SGSM3: variants seen among roughly 807,000 people sequenced by gnomAD.
SGSM3 encodes the protein small G protein signaling modulator 3, also known as RUN and SH3 containing 3.
In SGSM3, 96 loss-of-function variants were observed where a neutral mutation model predicts 100.5. The observed-to-expected ratio is 0.96, with a 90% confidence interval of 0.81 to 1.13. SGSM3 has a LOEUF of 1.13. SGSM3 is among the 50% of genes most tolerant of loss of function. The pLI, the probability that SGSM3 is intolerant of heterozygous loss-of-function variation, is 0.00. For missense variants in SGSM3, 1,001 were observed against 1,015.8 expected (o/e 0.99, Z 0.20); for synonymous variants, 483 against 422.8 (o/e 1.14, Z -1.75).
rs1411393823 is a variant in SGSM3, at chr22:40,408,385, TCCCTGCTTGGGGGCGCCTGCCAC to T, written c.1744_1766del (p.Leu582AlafsTer26). ...GTTCGAACATGGACTGAAGAAGCCA[TCCCTGCTTGGGGGCGCCTGCCAC>T]CCCTGGCTGTTTATCGAGGAGGTAA... On this transcript the variant is annotated frameshift_variant, in exon 16 of 22. Transcript: ENST00000248929. LOFTEE classifies it high-confidence loss of function. 8 of 1,613,350 alleles carry T rather than the reference TCCCTGCTTGGGGGCGCCTGCCAC, an allele frequency of 5.0e-6. No individual in the cohort carries two copies. Among genetic ancestry groups the T allele is most frequent in the Non-Finnish European group, 6.8e-6 (8 of 1,179,996 alleles).
Position 40,396,756 on chromosome 22 carries a change from T to TG in SGSM3, c.-111-3934dup, listed in dbSNP as rs538973792. Among the ~76,000 whole-genome samples the TG allele has an allele frequency of 1.1e-4, 17 of 152,192 alleles. No homozygotes were observed. The South Asian group carries it at 3.3e-3, about 30-fold the overall frequency. ...GACAGGACAGGAGGACCAGAGTGAA[T>TG]GGGGGGCCATATCCCTCTGATCTAT... On this transcript the variant is annotated intron_variant, in intron 1 of 21. Coordinates refer to ENST00000248929, the MANE Select transcript of SGSM3 (RefSeq NM_015705.6).
Position 40,407,442 on chromosome 22 carries a change from C to T in SGSM3, c.1398C>T (p.Ser466=). 1 of 1,612,696 alleles carries T rather than the reference C, an allele frequency of 6.2e-7. No individual in the cohort carries two copies. ...VELTPDYSME[S]HQRDHENYVA... ...TGACTCCAGACTATAGCATGGAGAG[C>T]CACCAGCGGGACCACGAGAACTACG... Residue 466 remains serine, a synonymous_variant, in exon 13 of 22, where the codon AGC becomes AGT. Transcript: ENST00000248929. This position sits in a 1 kb window ranked among gnomAD's most constrained non-coding sequence, Gnocchi z 4.7.
chr22:40,409,049 C>T (rs1304258140), intron 19 of SGSM3, 31 bp downstream of exon 19: 2 of 1,554,556 alleles, frequency 1.3e-6, no homozygotes, highest in African/African-American at 2.7e-5. Context: ...GGAGGAGAGC[C>T]CTGGAGTGGG....
chr22:40,397,968 CTTTTTT>C (rs1157147821), intron 1 of SGSM3, among the ~76,000 whole-genome samples: 1 of 116,436 alleles, frequency 8.6e-6, no homozygotes, highest in African/African-American at 3.6e-5. Context: ...CCAATTCTGT[CTTTTTT>C]TTTTTTTTTT....
chr22:40,378,793 C>G (rs2047078509), intron 1 of SGSM3, among the ~76,000 whole-genome samples: 1 of 152,002 alleles, frequency 6.6e-6, no homozygotes, highest in Admixed American at 6.6e-5. Context: ...CTGTAAAGTT[C>G]TCTCCAATTC....
intron 8 of SGSM3, 72 bp downstream of exon 8, chr22:40,405,916 A>G (rs1184002107): frequency 1.8e-5 from 27 of 1,504,526 alleles, no homozygotes; most frequent in Non-Finnish European, 2.4e-5. Context: ...GAGTGGGGAT[A>G]GGGCACAGCC....
At chr22:40,381,466 T>G (rs1165984527) in intron 1 of SGSM3, among the ~76,000 whole-genome samples, 1 of 152,184 alleles carries the variant, frequency 6.6e-6, no homozygotes, top group African/African-American at 2.4e-5. Flanking sequence ...ATTTTAACGA[T>G]GCAAGATAGT....
At chr22:40,393,689 G>C (rs2049667499) in intron 1 of SGSM3, among the ~76,000 whole-genome samples, 1 of 152,204 alleles carries the variant, frequency 6.6e-6, no homozygotes, top group South Asian at 2.1e-4. Flanking sequence ...TTAAAGAACA[G>C]AAGTTTATTT....
rs745495016 is a variant in SGSM3, at chr22:40,406,466, C to T, written c.989C>T (p.Ser330Leu). 5 of 1,595,068 alleles carry T rather than the reference C, an allele frequency of 3.1e-6. No homozygotes were observed. The highest frequency in any genetic ancestry group is 4.3e-6 in the Non-Finnish European group (5 of 1,168,460). ...GAAGAGCTGATCCAGTCAGAGAACT[C>T]GGCCTCCATCTTCAACACGCTATCG... ...KEEELIQSEN[S>L]ASIFNTLSDI... is the part of the protein sequence containing the mutation. Residue 330 changes from serine (S) to leucine (L), a missense_variant, in exon 10 of 22, where the codon TCG (serine) becomes TTG (leucine). By Grantham distance (145) the Ser-to-Leu change is moderately radical. Transcript: ENST00000248929.
chr22:40,405,234 G>T lies in SGSM3; in HGVS notation c.568G>T (p.Ala190Ser). The T allele has an allele frequency of 6.4e-7, 1 of 1,571,852 alleles. No homozygotes were observed. The highest frequency in any genetic ancestry group is 8.6e-7 in the Non-Finnish European group (1 of 1,158,562). The change falls in exon 7 of 22, where the codon GCC becomes TCC. Residue 190 changes from alanine (A) to serine (S), a missense_variant. Transcript: ENST00000248929. ...GVPRLRRVLR[A>S]LAWLYPEIGY... The stretch of plus-strand genomic sequence containing the variant: ...GCCCCGCCTGCGCAGGGTGCTCCGG[G>T]CCCTGGCCTGGCTCTACCCAGAGAT...
rs1387893668 is a variant in SGSM3, at chr22:40,405,122, G to A, written c.475-19G>A. On this transcript the variant is annotated intron_variant, in intron 6 of 21. Transcript: ENST00000248929. Reference sequence around the variant, plus strand: ...GTCACAAGGTCTTGTTATTGTGGGTGCCGATGGCTGCCTGACAGATCGAGA... The same window carrying A: ...GTCACAAGGTCTTGTTATTGTGGGTACCGATGGCTGCCTGACAGATCGAGA... 1 of 1,486,168 alleles carries A rather than the reference G, an allele frequency of 6.7e-7. No homozygotes were observed. The allele number at this position is 1,486,168 out of a possible 1,614,324, so 92.1% of individuals were successfully genotyped here.
At chr22:40,401,983 C>T (rs762403066) in intron 3 of SGSM3, among the ~76,000 whole-genome samples, 156 bp from the exon 4 acceptor site, 18 of 152,142 alleles carry the variant, frequency 1.2e-4, no homozygotes, top group Non-Finnish European at 2.4e-4. Flanking sequence ...GAGAAGGTTG[C>T]GTGGTAACCA....
chr22:40,387,493 A>G, intron 1 of SGSM3: 1 of 313,700 alleles, frequency 3.2e-6, no homozygotes, highest in Non-Finnish European at 5.8e-6. Context: ...TAGGTGCCCT[A>G]ATCTCCTATG....
In SGSM3 at chr22:40,378,250, C is replaced by G. The variant is rs560157406; in HGVS notation, c.-112+7562C>G. The G allele has an allele frequency of 3.3e-5, 5 of 152,080 alleles. No homozygotes were observed. In the East Asian group the frequency reaches 9.8e-4, roughly 30 times the overall value. The allele number at this position is 152,080 out of a possible 1,614,324, so 9.4% of individuals were successfully genotyped here. A position where few individuals can be genotyped will look rare whatever the true frequency, so the allele number is the denominator to read the frequency against. The stretch of plus-strand genomic sequence containing the variant: ...TTTGAGACTACCCTGGGCAACATAG[C>G]AAGACCAGCATCTCTACAAAAAAAT... On this transcript the variant is annotated intron_variant, in intron 1 of 21. Transcript: ENST00000248929.
intron 1 of SGSM3, among the ~76,000 whole-genome samples, chr22:40,395,891 C>T (rs930186293): frequency 4.3e-4 from 66 of 152,156 alleles, no homozygotes; most frequent in African/African-American, 1.5e-3. Context: ...TTCCTCTGCA[C>T]GCCACACTTG....
At chr22:40,398,694 T>A (rs1460938671) in intron 1 of SGSM3, among the ~76,000 whole-genome samples, 1 of 141,194 alleles carries the variant, frequency 7.1e-6, no homozygotes, top group East Asian at 2.1e-4. Context: ...GTTTTTAGTA[T>A]ACCTCAATGA....
chr22:40,377,641 G>A (rs376968669), intron 1 of SGSM3, among the ~76,000 whole-genome samples: 11 of 151,976 alleles, frequency 7.2e-5, no homozygotes, highest in African/African-American at 1.9e-4. Flanking sequence ...TTTGAGACCC[G>A]CCTGGGCAAC....
rs1455169629 is a variant in SGSM3, at chr22:40,408,297, C to G, written c.1650C>G (p.Asp550Glu). The G allele has an allele frequency of 6.2e-7, 1 of 1,613,628 alleles. No homozygotes were observed. The part of the protein sequence containing the change: ...RSKEYSIAGD[D>E]SVTEGVTDLV... ...ATCAGTACTCCATCGCGGGGGATGA[C>G]TCGGTGACGGAGGGGGTCACAGACC... The change falls in exon 16 of 22, where the codon GAC (aspartate) becomes GAG (glutamate). Residue 550 changes from aspartate (D) to glutamate (E), a missense_variant. Physicochemically the swap from Asp to Glu is conservative, Grantham distance 45 (BLOSUM62 2). Coordinates refer to ENST00000248929, the MANE Select transcript of SGSM3 (RefSeq NM_015705.6).
At chr22:40,375,857 G>T (rs1375406504) in intron 1 of SGSM3, among the ~76,000 whole-genome samples, 1 of 151,978 alleles carries the variant, frequency 6.6e-6, no homozygotes, top group Non-Finnish European at 1.5e-5. Flanking sequence ...GGGCAACATG[G>T]TGAGACCCTG....
Sources: gnomAD v4.1 joint callset for allele counts (sites outside exome capture counted in the v4.1 genomes callset) on GRCh38, gnomAD v4.1.1 for gene constraint, Gnocchi (gnomAD v3.1) non-coding constraint, MANE v1.5 for transcripts, NCBI Gene and HGNC (gene_info 2026-07-23, HGNC 2026-07-21) for gene names.